Variants in ZBTB46 observed in about 807,000 individuals in gnomAD.
The protein encoded by ZBTB46 is zinc finger and BTB domain-containing protein 46.
ZBTB46 carries 8 observed loss-of-function variants against 44.1 expected under a neutral mutation model. The ratio of observed to expected loss-of-function variants is 0.18; its 90% CI spans 0.11 to 0.33. The LOEUF (loss-of-function observed/expected upper bound fraction) is 0.33. ZBTB46 is among the 10% of genes least tolerant of loss of function. The pLI is 1.00. For synonymous variants in ZBTB46, 409 were observed against 382.3 expected (o/e 1.07, Z -0.81); for missense variants, 651 against 847.7 (o/e 0.77, Z 2.88).
chr20:63,763,351 A>G (rs7274760), intron 3 of ZBTB46, among the ~76,000 whole-genome samples: 74,580 of 152,002 alleles, frequency 0.49, 18,922 homozygotes, highest in Middle Eastern at 0.6. Context: ...GCTATAAAGA[A>G]ATACCTGCAA....
intron 2 of ZBTB46, among the ~76,000 whole-genome samples, chr20:63,784,236 C>G (rs1250274596): frequency 6.6e-6 from 1 of 152,170 alleles, no homozygotes; most frequent in East Asian, 1.9e-4. Context: ...TGAGACCCGC[C>G]GGAGGCAGGC....
At chr20:63,777,017 G>A (rs972727297) in intron 2 of ZBTB46, among the ~76,000 whole-genome samples, 5 of 147,138 alleles carry the variant, frequency 3.4e-5, no homozygotes, top group African/African-American at 1.3e-4. Flanking sequence ...TCCAGCACAC[G>A]CCACGGTTCC....
chr20:63,797,477 C>G (rs896022418), intron 1 of ZBTB46, among the ~76,000 whole-genome samples: 4 of 152,142 alleles, frequency 2.6e-5, no homozygotes, highest in Non-Finnish European at 5.9e-5. Context: ...GTGCATGTGT[C>G]TTTATAGCAA....
intron 3 of ZBTB46, among the ~76,000 whole-genome samples, chr20:63,771,961 A>C (rs1048942394): frequency 4.0e-5 from 6 of 151,776 alleles, no homozygotes; most frequent in Non-Finnish European, 7.4e-5. Context: ...GGATGCTGAC[A>C]ACTTCTAAAC....
intron 3 of ZBTB46, chr20:63,768,184 C>A: frequency 1.1e-6 from 1 of 906,386 alleles, no homozygotes; most frequent in Non-Finnish European, 1.3e-6. Context: ...ATTAACAAAA[C>A]ATTAACACCT....
chr20:63,817,143 G>C (rs1427569764), intron 1 of ZBTB46, among the ~76,000 whole-genome samples: 1 of 152,034 alleles, frequency 6.6e-6, no homozygotes, highest in Admixed American at 6.6e-5. Context: ...GAAAGGGCCA[G>C]ATGTGGTGGC....
chr20:63,772,137 G>C (rs1236144216), intron 3 of ZBTB46, among the ~76,000 whole-genome samples: 1 of 151,776 alleles, frequency 6.6e-6, no homozygotes, highest in African/African-American at 2.4e-5. Context: ...TGAGATTACA[G>C]GTGCCCGCCA....
chr20:63,803,230 C>T lies in ZBTB46; in HGVS notation c.-33-12440G>A. On this transcript the variant is annotated intron_variant, in intron 1 of 4. Transcript: ENST00000245663. The surrounding 1 kb of genome is among the most constrained non-coding windows in gnomAD (Gnocchi z 4.0). ...TCACCAGCAGGAACCAGGCACCTCC[C>T]CTCACACCAAGGCGTTCATGGTTTA... The T allele has an allele frequency of 1.1e-6, 1 of 889,228 alleles. No individual in the cohort carries two copies. Among genetic ancestry groups the T allele is most frequent in the African/African-American group, 1.8e-5 (1 of 55,186 alleles). The allele number at this position is 889,228 out of a possible 1,614,324, so 55.1% of individuals were successfully genotyped here. A position where few individuals can be genotyped will look rare whatever the true frequency, so the allele number is the denominator to read the frequency against.
intron 1 of ZBTB46, among the ~76,000 whole-genome samples, chr20:63,804,405 C>T (rs547445790): frequency 1.6e-4 from 24 of 152,196 alleles, no homozygotes; most frequent in Non-Finnish European, 3.4e-4. Flanking sequence ...CCATGAATCA[C>T]AACAGCAGTC....
intron 1 of ZBTB46, among the ~76,000 whole-genome samples, chr20:63,797,647 C>T (rs1450815240): frequency 6.6e-6 from 1 of 152,216 alleles, no homozygotes; most frequent in Non-Finnish European, 1.5e-5. Context: ...TATTTCTCCA[C>T]ATCCTCTCCA....
chr20:63,747,381 TG>T (rs756708234), intron 4 of ZBTB46, 80 bp from the exon 5 acceptor site: 1,044 of 33,562 alleles, frequency 0.031, 134 homozygotes, highest in Middle Eastern at 0.1. Flanking sequence ...CTGGTGGAGG[TG>T]GGGGGGGCAG....
chr20:63,825,543 T>C (rs1568911996), intron 1 of ZBTB46, among the ~76,000 whole-genome samples: 1 of 152,006 alleles, frequency 6.6e-6, no homozygotes. Context: ...TTTCTGGTTC[T>C]ATCCCTGCAC....
intron 1 of ZBTB46, among the ~76,000 whole-genome samples, chr20:63,809,971 A>G (rs1457266228): frequency 6.6e-6 from 1 of 151,928 alleles, no homozygotes; most frequent in Admixed American, 6.6e-5. Flanking sequence ...CAAAAAAAAA[A>G]AAAGAAAAGA....
intron 1 of ZBTB46, among the ~76,000 whole-genome samples, chr20:63,802,563 C>A (rs1042101674): frequency 2.6e-5 from 4 of 151,992 alleles, no homozygotes; most frequent in Admixed American, 6.6e-5. Flanking sequence ...CTGGAGCAGA[C>A]CCCCAGCACC....
intron 3 of ZBTB46, chr20:63,769,352 G>A: frequency 2.0e-6 from 2 of 985,416 alleles, no homozygotes; most frequent in Non-Finnish European, 2.4e-6. Flanking sequence ...CTTCTGTTCT[G>A]CCATCAGCGA....
chr20:63,764,029 T>C (rs762869630), intron 3 of ZBTB46, among the ~76,000 whole-genome samples: 1 of 151,886 alleles, frequency 6.6e-6, no homozygotes, highest in African/African-American at 2.4e-5. Flanking sequence ...AGTGCAGCAG[T>C]GCAGCCACAA....
intron 1 of ZBTB46, among the ~76,000 whole-genome samples, chr20:63,801,408 C>T (rs2092643557): frequency 6.6e-6 from 1 of 152,160 alleles, no homozygotes; most frequent in Admixed American, 6.5e-5. Flanking sequence ...AATCAGCTCT[C>T]TCTAAAACAG....
chr20:63,756,853 C>T (rs6011085), intron 3 of ZBTB46, among the ~76,000 whole-genome samples: 69,709 of 152,114 alleles, frequency 0.46, 17,169 homozygotes, highest in African/African-American at 0.62. Flanking sequence ...GTTTGTGGTG[C>T]GTGGTACTCC....
intron 4 of ZBTB46, among the ~76,000 whole-genome samples, chr20:63,748,204 G>T (rs1367191100): frequency 6.6e-6 from 1 of 152,250 alleles, no homozygotes; most frequent in Non-Finnish European, 1.5e-5. Context: ...AGAGGAGGAG[G>T]TGTGGCTGCC....
Sources: allele counts gnomAD v4.1 joint callset (sites outside exome capture counted in the v4.1 genomes callset), GRCh38; gene constraint gnomAD v4.1.1; non-coding constraint Gnocchi (gnomAD v3.1); transcripts MANE v1.5; gene names NCBI Gene and HGNC (gene_info 2026-07-23, HGNC 2026-07-21).